Variants in COX10 observed in about 807,000 individuals in gnomAD.
The protein encoded by COX10 is protoheme IX farnesyltransferase, mitochondrial.
A neutral mutation model predicts 37.3 loss-of-function variants in COX10; 27 were observed. The observed-to-expected ratio is 0.72, with a 90% CI of 0.53 to 1.00. COX10 has a LOEUF of 1.00. Among genes scored for constraint, COX10 ranks in the 50% least tolerant of loss-of-function variants. COX10 has a pLI of 0.00. For missense variants in COX10, 475 were observed against 563.2 expected, an observed-to-expected ratio of 0.84 and a Z score of 1.59; for synonymous variants, 222 against 229.1, an observed-to-expected ratio of 0.97 and a Z score of 0.28.
In COX10 at chr17:14,069,522, C is replaced by G. The variant is rs1023916364; in HGVS notation, c.-84C>G. The G allele has an allele frequency of 3.3e-6, 5 of 1,527,980 alleles. No individual in the cohort carries two copies. The African/African-American group carries it at 6.8e-5, about 21-fold the overall frequency. The allele number at this position is 1,527,980 out of a possible 1,614,324, so 94.7% of individuals were successfully genotyped here. A position where few individuals can be genotyped will look rare whatever the true frequency, so the allele number is the denominator to read the frequency against. ...GCCCGGAACTACTCCCACAGGGGGGCGGGGAAGGAAGATGGCGGCGCCCAG... is the reference window on the plus strand; with the variant it reads ...GCCCGGAACTACTCCCACAGGGGGGGGGGGAAGGAAGATGGCGGCGCCCAG... On this transcript the variant is annotated 5_prime_UTR_variant, in exon 1 of 7. Coordinates refer to ENST00000261643, the MANE Select transcript of COX10 (RefSeq NM_001303.4).
chr17:14,098,278 C>T (rs1403446548), intron 3 of COX10, among the ~76,000 whole-genome samples: 1 of 152,232 alleles, frequency 6.6e-6, no homozygotes, highest in South Asian at 2.1e-4. Context: ...AAGAGAGAAA[C>T]CTCTGCAGTC....
intron 4 of COX10, among the ~76,000 whole-genome samples, chr17:14,142,536 T>G (rs996365126): frequency 7.2e-5 from 11 of 152,188 alleles, no homozygotes; most frequent in Non-Finnish European, 1.5e-4. Flanking sequence ...GGCAGAAGAG[T>G]TAGAAATAAA....
intron 4 of COX10, among the ~76,000 whole-genome samples, chr17:14,125,487 A>C (rs577113918): frequency 6.6e-6 from 1 of 152,346 alleles, no homozygotes; most frequent in African/African-American, 2.4e-5. Flanking sequence ...TAAAAATTTA[A>C]AACATATTCA....
At chr17:14,168,137 G>T (rs1021126293) in intron 5 of COX10, among the ~76,000 whole-genome samples, 2 of 152,206 alleles carry the variant, frequency 1.3e-5, no homozygotes, top group African/African-American at 2.4e-5. Context: ...GGAGAAATTG[G>T]CCAAAACAGA....
chr17:14,172,326 A>G (rs1476766719), intron 5 of COX10, among the ~76,000 whole-genome samples: 1 of 151,998 alleles, frequency 6.6e-6, no homozygotes, highest in Non-Finnish European at 1.5e-5. Flanking sequence ...GTTATTTGGG[A>G]GATCGCCATA....
chr17:14,123,202 A>G (rs1330867653), intron 4 of COX10, among the ~76,000 whole-genome samples: 1 of 152,212 alleles, frequency 6.6e-6, no homozygotes, highest in Admixed American at 6.5e-5. Flanking sequence ...TTACCTCAGT[A>G]CCAGAGCTTA....
chr17:14,186,082 G>A (rs1224956622), intron 5 of COX10, among the ~76,000 whole-genome samples: 2 of 152,200 alleles, frequency 1.3e-5, no homozygotes, highest in African/African-American at 2.4e-5. Flanking sequence ...GTGTGCCCAC[G>A]ATTCTTCTTC....
chr17:14,198,981 T>C (rs2038748420), intron 6 of COX10, among the ~76,000 whole-genome samples: 1 of 151,998 alleles, frequency 6.6e-6, no homozygotes, highest in South Asian at 2.1e-4. Context: ...AGCTAAATGA[T>C]AGTTTTAAAG....
At chr17:14,069,785 G>T (rs1914969340) in intron 1 of COX10, 137 bp downstream of exon 1, 4 of 1,006,868 alleles carry the variant, frequency 4.0e-6, no homozygotes, top group South Asian at 1.4e-5. Flanking sequence ...TGGGGGAAAT[G>T]ACCTCTGGAG....
chr17:14,206,246 G>A (rs1404122764), intron 6 of COX10, among the ~76,000 whole-genome samples: 1 of 152,138 alleles, frequency 6.6e-6, no homozygotes, highest in East Asian at 1.9e-4. Flanking sequence ...GGGAGCCAGG[G>A]CTCACAGAAC....
intron 4 of COX10, among the ~76,000 whole-genome samples, chr17:14,132,845 GA>G (rs1916496899): frequency 6.6e-6 from 1 of 151,456 alleles, no homozygotes; most frequent in Admixed American, 6.6e-5. Context: ...AAATATTAAG[GA>G]AAAATTATGC....
chr17:14,204,535 A>T (rs931624828), intron 6 of COX10, among the ~76,000 whole-genome samples: 1 of 151,958 alleles, frequency 6.6e-6, no homozygotes, highest in Non-Finnish European at 1.5e-5. Context: ...TTCCAAATTT[A>T]TCTTCTTTGC....
intron 3 of COX10, among the ~76,000 whole-genome samples, chr17:14,088,215 A>G (rs1451362558): frequency 6.6e-6 from 1 of 151,976 alleles, no homozygotes; most frequent in Non-Finnish European, 1.5e-5. Context: ...TTTTTTTGCT[A>G]TTTAAATAAT....
chr17:14,128,686 C>T (rs1916396444), intron 4 of COX10, among the ~76,000 whole-genome samples: 1 of 152,068 alleles, frequency 6.6e-6, no homozygotes, highest in Non-Finnish European at 1.5e-5. Context: ...AAGAAGGGAG[C>T]AGGGTGCTTA....
At chr17:14,189,768 T>C (rs750828752) in intron 5 of COX10, among the ~76,000 whole-genome samples, 4 of 152,110 alleles carry the variant, frequency 2.6e-5, no homozygotes, top group Non-Finnish European at 5.9e-5. Flanking sequence ...GTTTCAGCAG[T>C]TGGTGAGGGA....
At chr17:14,193,432 G>T (rs2142264095) in intron 6 of COX10, among the ~76,000 whole-genome samples, 1 of 151,218 alleles carries the variant, frequency 6.6e-6, no homozygotes, top group Non-Finnish European at 1.5e-5. Flanking sequence ...TTATCATTCA[G>T]GAGTCCTCCT....
At chr17:14,092,600 C>A (rs1015690553) in intron 3 of COX10, among the ~76,000 whole-genome samples, 1 of 151,992 alleles carries the variant, frequency 6.6e-6, no homozygotes, top group Admixed American at 6.6e-5. Flanking sequence ...CTGAACTTAA[C>A]AATAAGCATG....
chr17:14,122,696 C>T (rs1278985002), intron 4 of COX10, among the ~76,000 whole-genome samples: 1 of 152,136 alleles, frequency 6.6e-6, no homozygotes, highest in Non-Finnish European at 1.5e-5. Context: ...GAGACTTGGC[C>T]TGTTCATTGC....
intron 4 of COX10, among the ~76,000 whole-genome samples, chr17:14,147,630 A>G (rs1050750257): frequency 6.6e-6 from 1 of 152,168 alleles, no homozygotes; most frequent in Non-Finnish European, 1.5e-5. Flanking sequence ...TTAATAACTA[A>G]TAGAGTATAA....
Sources: allele counts gnomAD v4.1 joint callset (sites outside exome capture counted in the v4.1 genomes callset), GRCh38; gene constraint gnomAD v4.1.1; transcripts MANE v1.5; gene names NCBI Gene and HGNC (gene_info 2026-07-23, HGNC 2026-07-21).